Variants in TWIST2 observed in about 807,000 individuals in gnomAD.
The protein encoded by TWIST2 is twist family bHLH transcription factor 2.
A neutral mutation model predicts 11.6 loss-of-function variants in TWIST2; 1 was observed. The observed-to-expected ratio is 0.09, with a 90% CI of 0.03 to 0.41. TWIST2 has a LOEUF of 0.41. Among genes scored for constraint, TWIST2 ranks in the 10% least tolerant of loss-of-function variants. The pLI, the probability that TWIST2 is intolerant of heterozygous loss-of-function variation, is 0.98. For synonymous variants in TWIST2, 87 were observed against 96.6 expected (o/e 0.90, Z 0.58); for missense variants, 168 against 226.4 (o/e 0.74, Z 1.66).
At chr2:238,870,169 A>ACACAC (rs1559273522) in intron 1 of TWIST2, among the ~76,000 whole-genome samples, 2 of 32,844 alleles carry the variant, frequency 6.1e-5, no homozygotes, top group African/African-American at 2.8e-4. Flanking sequence ...CACACACACC[A>ACACAC]CACACCCCAC....
chr2:238,870,422 C>T (rs1447769679), intron 1 of TWIST2, among the ~76,000 whole-genome samples: 1 of 18,198 alleles, frequency 5.5e-5, no homozygotes, highest in South Asian at 1.7e-3. Flanking sequence ...CACACACAAA[C>T]CACACACCCT....
In TWIST2 at chr2:238,848,602, G is replaced by C. The variant is rs1324430414; in HGVS notation, c.387G>C (p.Lys129Asn). The stretch of plus-strand genomic sequence containing the variant: ...TGCAGAGCGACGAGATGGACAATAA[G>C]ATGACCAGCTGCAGCTACGTGGCCC... Reference protein sequence around the residue: ...QVLQSDEMDNKMTSCSYVAHE... With the variant: ...QVLQSDEMDNNMTSCSYVAHE... The change falls in exon 1 of 2, where the codon AAG becomes AAC. Residue 129 changes from lysine to asparagine, a missense_variant. Lys to Asn is a moderately conservative substitution (Grantham distance 94, BLOSUM62 0). This residue lies in a region of TWIST2 where 62 missense variants were observed against 75.3 expected (regional missense o/e 0.82). Coordinates refer to ENST00000612363, the MANE Select transcript of TWIST2 (RefSeq NM_001271893.4). 6.4e-7 allele frequency: 1 copy of C among 1,561,878 alleles called. No individual in the cohort carries two copies.
intron 1 of TWIST2, among the ~76,000 whole-genome samples, chr2:238,883,938 G>A (rs563154452): frequency 6.6e-6 from 1 of 152,310 alleles, no homozygotes; most frequent in East Asian, 1.9e-4. Flanking sequence ...GAGCCGCGCT[G>A]TGGTTTCCGT....
Position 238,866,739 on chromosome 2 carries a change from G to A in TWIST2, c.*35+18006G>A, listed in dbSNP as rs550336719. Among the ~76,000 whole-genome samples, 20 of 152,198 alleles carry A rather than the reference G, an allele frequency of 1.3e-4. No individual in the cohort carries two copies. Among genetic ancestry groups the A allele is most frequent in the Non-Finnish European group, 1.0e-4 (7 of 68,004 alleles). Reference sequence around the variant, plus strand: ...CTTGACTGGAATCTCCCTTGTGCCCGACAGGACTACCTCCAGTGTCCCCTC... The same window carrying A: ...CTTGACTGGAATCTCCCTTGTGCCCAACAGGACTACCTCCAGTGTCCCCTC... On this transcript the variant is annotated intron_variant, in intron 1 of 1. Transcript: ENST00000612363. The surrounding 1 kb of genome is among the most constrained non-coding windows in gnomAD (Gnocchi z 4.9).
At chr2:238,883,151 G>T (rs1468412411) in intron 1 of TWIST2, among the ~76,000 whole-genome samples, 1 of 152,120 alleles carries the variant, frequency 6.6e-6, no homozygotes, top group East Asian at 1.9e-4. Flanking sequence ...TATTTACTTG[G>T]GTAGTGCTCG....
intron 1 of TWIST2, among the ~76,000 whole-genome samples, chr2:238,906,465 C>T (rs930602958): frequency 4.6e-5 from 7 of 152,146 alleles, no homozygotes; most frequent in Non-Finnish European, 8.8e-5. Context: ...CATACTGACA[C>T]TCCCACAGGG....
chr2:238,863,416 C>T lies in TWIST2; in HGVS notation c.*35+14683C>T, dbSNP rs1324500784. Among the ~76,000 whole-genome samples the T allele has an allele frequency of 7.2e-5, 11 of 152,174 alleles. No individual in the cohort carries two copies. Among genetic ancestry groups the T allele is most frequent in the East Asian group, 5.8e-4 (3 of 5,200 alleles). Reference sequence around the variant, plus strand: ...TTAGGATAATTCAGAAGGATGCACCCGGAATGTACCAGCGCGGCTCCCTGA... The same window carrying T: ...TTAGGATAATTCAGAAGGATGCACCTGGAATGTACCAGCGCGGCTCCCTGA... On this transcript the variant is annotated intron_variant, in intron 1 of 1. Coordinates refer to ENST00000612363, the MANE Select transcript of TWIST2 (RefSeq NM_001271893.4). The surrounding 1 kb of genome is among the most constrained non-coding windows in gnomAD (Gnocchi z 4.7).
intron 1 of TWIST2, among the ~76,000 whole-genome samples, chr2:238,851,907 T>A (rs1402501666): frequency 6.6e-6 from 1 of 151,744 alleles, no homozygotes; most frequent in Non-Finnish European, 1.5e-5. Context: ...TCAGCAGTCC[T>A]TTCGGCCTTG....
At chr2:238,892,132 A>T (rs1322760263) in intron 1 of TWIST2, among the ~76,000 whole-genome samples, 1 of 151,984 alleles carries the variant, frequency 6.6e-6, no homozygotes, top group East Asian at 1.9e-4. Flanking sequence ...CTGACTGTAC[A>T]TGGGCTGAGC....
At chr2:238,882,229 G>T (rs2106365407) in intron 1 of TWIST2, among the ~76,000 whole-genome samples, 1 of 152,252 alleles carries the variant, frequency 6.6e-6, no homozygotes, top group South Asian at 2.1e-4. Context: ...CAGCAGCCCA[G>T]GTCTCCTGAG....
intron 1 of TWIST2, among the ~76,000 whole-genome samples, chr2:238,908,898 G>A (rs1397858236): frequency 2.0e-5 from 3 of 147,960 alleles, no homozygotes; most frequent in Admixed American, 1.3e-4. Flanking sequence ...GGTGGTGTAT[G>A]TAGTGTGTTT....
At chr2:238,854,875 T>A (rs1234990801) in intron 1 of TWIST2, among the ~76,000 whole-genome samples, 1 of 152,152 alleles carries the variant, frequency 6.6e-6, no homozygotes, top group Non-Finnish European at 1.5e-5. Flanking sequence ...AATTAGCATA[T>A]TCTGTATGTG....
In TWIST2 at chr2:238,848,245, C is replaced by G. The variant is rs770110042; in HGVS notation, c.30C>G (p.Ser10=). 1 of 1,497,522 alleles carries G rather than the reference C, an allele frequency of 6.7e-7. No individual in the cohort carries two copies. Among genetic ancestry groups the G allele is most frequent in the South Asian group, 1.2e-5 (1 of 80,666 alleles). 92.8% of individuals were successfully genotyped at this position (1,497,522 alleles called of 1,614,324 possible). A position where few individuals can be genotyped will look rare whatever the true frequency, so the allele number is the denominator to read the frequency against. MEEGSSSPV[S]PVDSLGTSEE... ...AGGAGGGCTCCAGCTCGCCCGTGTC[C>G]CCCGTGGACAGCCTGGGCACCAGCG... The change falls in exon 1 of 2, where the codon TCC becomes TCG. Residue 10 remains serine (S), a synonymous_variant. Transcript: ENST00000612363.
At chr2:238,891,582 C>T (rs1163411837) in intron 1 of TWIST2, among the ~76,000 whole-genome samples, 1 of 152,120 alleles carries the variant, frequency 6.6e-6, no homozygotes, top group African/African-American at 2.4e-5. Flanking sequence ...CCTGGCAGAT[C>T]TAGGAGGCAT....
chr2:238,848,873 A>G, intron 1 of TWIST2, 140 bp downstream of exon 1: 1 of 606,382 alleles, frequency 1.6e-6, no homozygotes, highest in Non-Finnish European at 2.4e-6. Flanking sequence ...TTTTCCTCTT[A>G]GCAAGGAAGG....
chr2:238,909,374 C>T (rs1162869162), intron 1 of TWIST2, among the ~76,000 whole-genome samples: 10 of 152,230 alleles, frequency 6.6e-5, no homozygotes, highest in African/African-American at 2.2e-4. Context: ...GCGGCTGACC[C>T]ATTTCTCTGC....
intron 1 of TWIST2, among the ~76,000 whole-genome samples, chr2:238,858,696 C>T (rs1022539877): frequency 1.3e-5 from 2 of 152,170 alleles, no homozygotes; most frequent in Non-Finnish European, 2.9e-5. Flanking sequence ...TTCTTATAGC[C>T]CTCTGGCTAC....
At chr2:238,862,941 T>A (rs1692458890) in intron 1 of TWIST2, among the ~76,000 whole-genome samples, 1 of 152,052 alleles carries the variant, frequency 6.6e-6, no homozygotes, top group Admixed American at 6.6e-5. Context: ...GATCAAAGTG[T>A]GTGTGTGCAT....
At chr2:238,848,781 G>T in intron 1 of TWIST2, 48 bp downstream of exon 1, 3 of 1,309,772 alleles carry the variant, frequency 2.3e-6, no homozygotes, top group South Asian at 2.2e-5. Context: ...GGGGGCGGGC[G>T]GCAGGGGCGC....
Sources: allele counts gnomAD v4.1 joint callset (sites outside exome capture counted in the v4.1 genomes callset), GRCh38; gene constraint gnomAD v4.1.1; regional missense constraint gnomAD v4.1.1; non-coding constraint Gnocchi (gnomAD v3.1); transcripts MANE v1.5; gene names NCBI Gene and HGNC (gene_info 2026-07-23, HGNC 2026-07-21).